The following HCN4 variants were observed in gnomAD, a reference collection of about 807,000 sequenced individuals.
HCN4 encodes hyperpolarization activated cyclic nucleotide gated potassium channel 4.
A neutral mutation model predicts 76.9 loss-of-function variants in HCN4; 29 were observed. That is an observed-to-expected ratio of 0.38 (90% confidence interval 0.28 to 0.51). The LOEUF (loss-of-function observed/expected upper bound fraction) is 0.51. HCN4 is among the 20% of genes least tolerant of loss of function. The pLI is 0.90. For synonymous variants in HCN4, 772 were observed against 762.5 expected, an observed-to-expected ratio of 1.01 and a Z score of -0.21; for missense variants, 1,416 against 1,715.2, an observed-to-expected ratio of 0.83 and a Z score of 3.08.
chr15:73,357,632 C>T lies in HCN4; in HGVS notation c.785+9854G>A, dbSNP rs192332083. Among the ~76,000 whole-genome samples the T allele has an allele frequency of 2.5e-3, 382 of 152,168 alleles. 1 individual carries two copies. Among genetic ancestry groups the T allele is most frequent in the African/African-American group, 8.6e-3 (358 of 41,506 alleles). On this transcript the variant is annotated intron_variant, in intron 1 of 7. Coordinates refer to ENST00000261917, the MANE Select transcript of HCN4 (RefSeq NM_005477.3). ...ATTAAGCTCCTGCTGCATCACTTCC[C>T]GGGAAGGATGCCCCGGAAACAAAGA...
Position 73,322,893 on chromosome 15 carries a change from T to C in HCN4, c.3200A>G (p.Gln1067Arg). The change falls in exon 8 of 8, where the codon CAG becomes CGG. Residue 1067 changes from glutamine (Q) to arginine (R), a missense_variant. Coordinates refer to ENST00000261917, the MANE Select transcript of HCN4 (RefSeq NM_005477.3). Reference sequence around the variant, plus strand: ...GGTGAGCGGGGGTGTGCCCCGGCGCTGGGGGACCTGGGGTGGTGGGGGGCT... The same window carrying C: ...GGTGAGCGGGGGTGTGCCCCGGCGCCGGGGGACCTGGGGTGGTGGGGGGCT... ...ASSPPPPQVP[Q>R]RRGTPPLTPG... 7.4e-7 allele frequency: 1 copy of C among 1,354,702 alleles called. No homozygotes were observed. The highest frequency in any genetic ancestry group is 9.6e-7 in the Non-Finnish European group (1 of 1,038,696). 83.9% of individuals were successfully genotyped at this position (1,354,702 alleles called of 1,614,324 possible). A position where few individuals can be genotyped will look rare whatever the true frequency, so the allele number is the denominator to read the frequency against.
At chr15:73,357,409 A>G (rs2043086103) in intron 1 of HCN4, among the ~76,000 whole-genome samples, 2 of 151,986 alleles carry the variant, frequency 1.3e-5, no homozygotes, top group African/African-American at 4.8e-5. Context: ...CCCAGAGTAG[A>G]TGATCCCGCT....
chr15:73,343,368 T>G lies in HCN4; in HGVS notation c.1209+17A>C. 6.2e-7 allele frequency: 1 copy of G among 1,613,190 alleles called. No homozygotes were observed. The highest frequency in any genetic ancestry group is 8.5e-7 in the Non-Finnish European group (1 of 1,179,400). On this transcript the variant is annotated intron_variant, in intron 2 of 7. Coordinates refer to ENST00000261917, the MANE Select transcript of HCN4 (RefSeq NM_005477.3). This position sits in a 1 kb window ranked among gnomAD's most constrained non-coding sequence, Gnocchi z 5.7. ...GGGAGTGGCCTTTCCCCCAAGAGGT[T>G]TGCACTGACCACTTACCTCTTCCCA...
intron 1 of HCN4, among the ~76,000 whole-genome samples, chr15:73,350,202 A>G (rs1005770812): frequency 1.3e-5 from 2 of 151,768 alleles, no homozygotes; most frequent in Non-Finnish European, 2.9e-5. Flanking sequence ...CATCCTCCCA[A>G]CCACCCTTCA....
intron 1 of HCN4, among the ~76,000 whole-genome samples, chr15:73,359,971 G>T (rs896588937): frequency 1.3e-5 from 2 of 152,198 alleles, no homozygotes; most frequent in African/African-American, 4.8e-5. Context: ...CTAGCAGTCA[G>T]GACCTGCCCA....
At position 73,325,074 on chromosome 15, in the gene HCN4, T is replaced by C; in HGVS notation, c.1859A>G (p.Asp620Gly). ...KLRFEVFQPG[D>G]YIIREGTIGK... ...AATGGTGCCTTCCCGGATGATGTAG[T>C]CCCCAGGCTGGAAGACCTCGAAACG... The change falls in exon 6 of 8, where the codon GAC (aspartate) becomes GGC (glycine). Residue 620 changes from aspartate to glycine, a missense_variant. Physicochemically the swap from Asp to Gly is moderately conservative, Grantham distance 94. Transcript: ENST00000261917. This position sits in a 1 kb window ranked among gnomAD's most constrained non-coding sequence, Gnocchi z 7.4. 1 of 1,614,180 alleles carries C rather than the reference T, an allele frequency of 6.2e-7. No homozygotes were observed. Among genetic ancestry groups the C allele is most frequent in the Middle Eastern group, 1.6e-4 (1 of 6,062 alleles).
intron 2 of HCN4, among the ~76,000 whole-genome samples, chr15:73,337,782 C>T (rs2042975625): frequency 6.6e-6 from 1 of 152,090 alleles, no homozygotes; most frequent in South Asian, 2.1e-4. Context: ...AAGGTACCCG[C>T]TCTGGGCAGA....
At chr15:73,365,533 A>AG (rs2043124462) in intron 1 of HCN4, among the ~76,000 whole-genome samples, 4 of 152,204 alleles carry the variant, frequency 2.6e-5, no homozygotes, top group African/African-American at 9.7e-5. Context: ...ATTCTGCAGC[A>AG]GGGGGACTGC....
chr15:73,328,103 C>T lies in HCN4; in HGVS notation c.1590+1470G>A, dbSNP rs1421824693. Reference sequence around the variant, plus strand: ...ACAGATGGCTGCCTATGGTTAATTACATCACCACAGAGTGCCGAGTGTGGT... The same window carrying T: ...ACAGATGGCTGCCTATGGTTAATTATATCACCACAGAGTGCCGAGTGTGGT... On this transcript the variant is annotated intron_variant, in intron 4 of 7. Transcript: ENST00000261917. This position sits in a 1 kb window ranked among gnomAD's most constrained non-coding sequence, Gnocchi z 4.0. Among the ~76,000 whole-genome samples, 4 of 152,148 alleles carry T rather than the reference C, an allele frequency of 2.6e-5. No homozygotes were observed. The highest frequency in any genetic ancestry group is 9.7e-5 in the African/African-American group (4 of 41,420).
rs773287506 is a variant in HCN4, at chr15:73,343,541, G to A, written c.1053C>T (p.Pro351=). ...CCACAATGAGGAAGATGTAGTCCAC[G>A]GGGATGGAGGAAATGAAATCTACCA... ...WFMVDFISSI[P]VDYIFLIVET... Residue 351 remains proline, a synonymous_variant, in exon 2 of 8, where the codon CCC becomes CCT. Transcript: ENST00000261917. The surrounding 1 kb of genome is among the most constrained non-coding windows in gnomAD (Gnocchi z 5.7). 24 of 1,614,082 alleles carry A rather than the reference G, an allele frequency of 1.5e-5. No homozygotes were observed. The highest frequency in any genetic ancestry group is 3.3e-5 in the Admixed American group (2 of 60,008).
In HCN4 at chr15:73,343,435, G is replaced by A. The variant is rs1420807618; in HGVS notation, c.1159C>T (p.Arg387Cys). The change falls in exon 2 of 8, where the codon CGC becomes TGC. Residue 387 changes from arginine to cysteine, a missense_variant. Physicochemically the swap from Arg to Cys is radical, Grantham distance 180. Coordinates refer to ENST00000261917, the MANE Select transcript of HCN4 (RefSeq NM_005477.3). This position sits in a 1 kb window ranked among gnomAD's most constrained non-coding sequence, Gnocchi z 5.7. ...ATGAGGCGGGAGAGGCGTAACAGGC[G>A]TAAGAGGCTGAGGATCTTCGTGAAG... ...VRFTKILSLL[R>C]LLRLSRLIRY... 5.6e-6 allele frequency: 9 copies of A among 1,614,058 alleles called. No individual in the cohort carries two copies. Among genetic ancestry groups the A allele is most frequent in the East Asian group, 2.2e-5 (1 of 44,896 alleles).
chr15:73,355,140 G>A (rs774815795), intron 1 of HCN4, among the ~76,000 whole-genome samples: 14 of 152,218 alleles, frequency 9.2e-5, no homozygotes, highest in South Asian at 2.1e-4. Flanking sequence ...AAGTAGGTCC[G>A]CTGGTCAGGA....
chr15:73,324,219 G>A lies in HCN4; in HGVS notation c.2013C>T (p.Ala671=). 6.2e-7 allele frequency: 1 copy of A among 1,614,020 alleles called. No homozygotes were observed. Among genetic ancestry groups the A allele is most frequent in the Non-Finnish European group, 8.5e-7 (1 of 1,179,960 alleles). The change falls in exon 7 of 8, where the codon GCC becomes GCT. Residue 671 remains alanine (A), a synonymous_variant. Coordinates refer to ENST00000261917, the MANE Select transcript of HCN4 (RefSeq NM_005477.3). ...GGCAGTAGGTGTCGGCCCTCACGCT[G>A]GCTGTGCGCCGGCCCCGGGTCAGCA... ...ICLLTRGRRT[A]SVRADTYCRL... is the part of the protein sequence containing the mutation.
At chr15:73,341,404 A>AG (rs2151220574) in intron 2 of HCN4, among the ~76,000 whole-genome samples, 1 of 152,204 alleles carries the variant, frequency 6.6e-6, no homozygotes, top group East Asian at 1.9e-4. Context: ...GGCCTCCCAA[A>AG]GTGCTAGGAT....
chr15:73,352,381 C>T (rs2043058713), intron 1 of HCN4, among the ~76,000 whole-genome samples: 1 of 152,234 alleles, frequency 6.6e-6, no homozygotes, highest in Admixed American at 6.5e-5. Flanking sequence ...GAACTTAGCA[C>T]ATCCAAACCC....
At chr15:73,337,131 C>T (rs779412891) in intron 2 of HCN4, among the ~76,000 whole-genome samples, 4 of 152,234 alleles carry the variant, frequency 2.6e-5, no homozygotes, top group Non-Finnish European at 5.9e-5. Flanking sequence ...AAGCCACTTC[C>T]ATGGAAAGGA....
At chr15:73,339,557 C>T (rs1402122672) in intron 2 of HCN4, among the ~76,000 whole-genome samples, 1 of 152,204 alleles carries the variant, frequency 6.6e-6, no homozygotes, top group African/African-American at 2.4e-5. Flanking sequence ...TAAACCTTGC[C>T]AAGGCAGATG....
chr15:73,367,149 ACT>A lies in HCN4; in HGVS notation c.785+335_785+336del, dbSNP rs1437663089. Among the ~76,000 whole-genome samples, 2 of 151,952 alleles carry A rather than the reference ACT, an allele frequency of 1.3e-5. No individual in the cohort carries two copies. The highest frequency in any genetic ancestry group is 6.6e-5 in the Admixed American group (1 of 15,262). ...AGCTGCCTCTAGGATGGCCATCCTG[ACT>A]CTGCAGCCTTGAAGGGGGAGGAGGA... On this transcript the variant is annotated intron_variant, in intron 1 of 7. Coordinates refer to ENST00000261917, the MANE Select transcript of HCN4 (RefSeq NM_005477.3). The surrounding 1 kb of genome is among the most constrained non-coding windows in gnomAD (Gnocchi z 7.5).
intron 1 of HCN4, among the ~76,000 whole-genome samples, chr15:73,355,578 A>T (rs2043074642): frequency 1.3e-5 from 2 of 152,222 alleles, no homozygotes; most frequent in Admixed American, 6.5e-5. Context: ...GGAAAGTTAT[A>T]GAGGAAGAGA....
Sources: allele counts gnomAD v4.1 joint callset (sites outside exome capture counted in the v4.1 genomes callset), GRCh38; gene constraint gnomAD v4.1.1; non-coding constraint Gnocchi (gnomAD v3.1); transcripts MANE v1.5; gene names NCBI Gene and HGNC (gene_info 2026-07-23, HGNC 2026-07-21).